MRPS7: variants seen among roughly 807,000 people sequenced by gnomAD.
MRPS7 encodes the protein small ribosomal subunit protein uS7m.
A neutral mutation model predicts 26.2 loss-of-function variants in MRPS7; 13 were observed. The ratio of observed to expected loss-of-function variants is 0.50; its 90% CI spans 0.32 to 0.79. The LOEUF (loss-of-function observed/expected upper bound fraction) is 0.79. Among genes scored for constraint, MRPS7 ranks in the 30% least tolerant of loss-of-function variants. The pLI, the probability that MRPS7 is intolerant of heterozygous loss-of-function variation, is 0.03. For synonymous variants in MRPS7, 129 were observed against 113.3 expected, an observed-to-expected ratio of 1.14 and a Z score of -0.88; for missense variants, 318 against 312.2, an observed-to-expected ratio of 1.02 and a Z score of -0.14.
intron 4 of MRPS7, among the ~76,000 whole-genome samples, chr17:75,265,227 G>A (rs542793891): frequency 2.6e-5 from 4 of 152,024 alleles, no homozygotes; most frequent in South Asian, 4.2e-4. Context: ...TAGTAGAGAC[G>A]AGGTTTCACC....
At chr17:75,265,350 T>TA (rs2077467742) in intron 4 of MRPS7, among the ~76,000 whole-genome samples, 1 of 151,950 alleles carries the variant, frequency 6.6e-6, no homozygotes, top group Non-Finnish European at 1.5e-5. Context: ...CTTTTTTTTT[T>TA]AATATATGGA....
chr17:75,266,324 T>C lies in MRPS7; in HGVS notation c.*401T>C. On this transcript the variant is annotated 3_prime_UTR_variant, in exon 5 of 5. Coordinates refer to ENST00000245539, the MANE Select transcript of MRPS7 (RefSeq NM_015971.4). ...TGAAACTGGCTGGAGGAAATAGGCT[T>C]GTTTCCAGAGTTGTCCTTATACAAA... 2.8e-6 allele frequency: 1 copy of C among 351,920 alleles called. No individual in the cohort carries two copies. Among genetic ancestry groups the C allele is most frequent in the Admixed American group, 4.4e-5 (1 of 22,898 alleles). The allele number at this position is 351,920 out of a possible 1,614,324, so 21.8% of individuals were successfully genotyped here.
rs2077480665 is a variant in MRPS7, at chr17:75,266,240, A to G, written c.*317A>G. ...ATAAAGGAAGCAGTTTTAGTATCAGAAAAGATTTATTAGAAAATTCTCACG... is the reference window on the plus strand; with the variant it reads ...ATAAAGGAAGCAGTTTTAGTATCAGGAAAGATTTATTAGAAAATTCTCACG... On this transcript the variant is annotated 3_prime_UTR_variant, in exon 5 of 5. Transcript: ENST00000245539. 1 of 414,072 alleles carries G rather than the reference A, an allele frequency of 2.4e-6. No individual in the cohort carries two copies. The highest frequency in any genetic ancestry group is 4.4e-6 in the Non-Finnish European group (1 of 226,086). 25.6% of individuals were successfully genotyped at this position (414,072 alleles called of 1,614,324 possible).
In MRPS7 at chr17:75,262,817, A is replaced by T. The variant is rs1409707999; in HGVS notation, c.289A>T (p.Met97Leu). The T allele has an allele frequency of 1.2e-6, 2 of 1,614,034 alleles. No homozygotes were observed. The highest frequency in any genetic ancestry group is 1.7e-5 in the Admixed American group (1 of 60,016). The change falls in exon 3 of 5, where the codon ATG becomes TTG. Residue 97 changes from methionine (M) to leucine (L), a missense_variant. Physicochemically the swap from Met to Leu is conservative, Grantham distance 15. Coordinates refer to ENST00000245539, the MANE Select transcript of MRPS7 (RefSeq NM_015971.4). ...TTCTCTTTGAAGTAAATTCACCAAC[A>T]TGATGATGATAGGAGGAAACAAAGT... ...EDPVISKFTN[M>L]MMIGGNKVLA... is the part of the protein sequence containing the mutation.
intron 3 of MRPS7, 146 bp from the exon 4 acceptor site, chr17:75,263,194 T>G: frequency 1.0e-6 from 1 of 998,108 alleles, no homozygotes; most frequent in Non-Finnish European, 1.5e-6. Flanking sequence ...GGGAGGCACT[T>G]AAAAACTTTG....
intron 4 of MRPS7, 130 bp from the exon 5 acceptor site, chr17:75,265,572 C>G: frequency 1.3e-6 from 1 of 745,102 alleles, no homozygotes. Flanking sequence ...AAAGACAGGC[C>G]CTTCTCCCCA....
At chr17:75,264,942 A>G (rs182545935) in intron 4 of MRPS7, among the ~76,000 whole-genome samples, 1 of 152,046 alleles carries the variant, frequency 6.6e-6, no homozygotes, top group African/African-American at 2.4e-5. Context: ...TCTGAGGTGG[A>G]TTAGTCACCC....
chr17:75,264,643 A>G (rs1313743918), intron 4 of MRPS7, among the ~76,000 whole-genome samples: 1 of 147,514 alleles, frequency 6.8e-6, no homozygotes, highest in Non-Finnish European at 1.5e-5. Context: ...GTTTTCTTTA[A>G]CTGTTTGTAT....
At chr17:75,262,007 G>A (rs777750975) in intron 1 of MRPS7, 24 bp downstream of exon 1, 3 of 1,452,138 alleles carry the variant, frequency 2.1e-6, no homozygotes, top group African/African-American at 5.8e-5. Context: ...GAGCAGCGGC[G>A]GGGGGGCGCT....
At chr17:75,262,448 C>T (rs1425173181) in intron 1 of MRPS7, 49 bp from the exon 2 acceptor site, 2 of 1,589,706 alleles carry the variant, frequency 1.3e-6, no homozygotes, top group South Asian at 1.1e-5. Context: ...CAAACCTACT[C>T]GCTTGTGGAG....
intron 1 of MRPS7, 183 bp from the exon 2 acceptor site, chr17:75,262,314 G>A (rs748036390): frequency 5.4e-6 from 4 of 735,962 alleles, no homozygotes; most frequent in African/African-American, 5.3e-5. Context: ...GACTTTACCC[G>A]CCTGCTTGGG....
chr17:75,262,490 C>A lies in MRPS7; in HGVS notation c.84-7C>A, dbSNP rs751560360. ...TTTGCCTGCCTCCTCCTTTCCCCCCCTCCCAGGCTAACTCAGGTGAGATGG... is the reference window on the plus strand; with the variant it reads ...TTTGCCTGCCTCCTCCTTTCCCCCCATCCCAGGCTAACTCAGGTGAGATGG... On this transcript the variant is annotated splice_region_variant and splice_polypyrimidine_tract_variant and intron_variant, in intron 1 of 4. Transcript: ENST00000245539. 2.4e-5 allele frequency: 39 copies of A among 1,612,818 alleles called. No homozygotes were observed. The highest frequency in any genetic ancestry group is 2.9e-5 in the Non-Finnish European group (34 of 1,178,980).
In MRPS7 at chr17:75,266,077, C is replaced by T. The variant is rs542299001; in HGVS notation, c.*154C>T. The stretch of plus-strand genomic sequence containing the variant: ...AGCAGCATATTCACTATCCGTTAAT[C>T]CTTCTTTCTTTGAGGCTGGAACTTG... On this transcript the variant is annotated 3_prime_UTR_variant, in exon 5 of 5. Coordinates refer to ENST00000245539, the MANE Select transcript of MRPS7 (RefSeq NM_015971.4). 21 of 670,784 alleles carry T rather than the reference C, an allele frequency of 3.1e-5. No homozygotes were observed. The highest frequency in any genetic ancestry group is 4.1e-4 in the Middle Eastern group (1 of 2,446). The allele number at this position is 670,784 out of a possible 1,614,324, so 41.6% of individuals were successfully genotyped here. A position where few individuals can be genotyped will look rare whatever the true frequency, so the allele number is the denominator to read the frequency against.
At chr17:75,263,003 G>A (rs933466367) in intron 3 of MRPS7, 136 bp downstream of exon 3, 9 of 811,482 alleles carry the variant, frequency 1.1e-5, no homozygotes, top group Non-Finnish European at 1.8e-5. Flanking sequence ...GCATGTGTAC[G>A]GGCTTTAATG....
intron 1 of MRPS7, 29 bp from the exon 2 acceptor site, chr17:75,262,467 TG>T: frequency 1.2e-6 from 2 of 1,607,916 alleles, no homozygotes; most frequent in Non-Finnish European, 1.7e-6. Context: ...AGTCAGCTTT[TG>T]CCTGCCTCCT....
At chr17:75,263,529 G>A in intron 4 of MRPS7, 22 bp downstream of exon 4, 1 of 1,613,656 alleles carries the variant, frequency 6.2e-7, no homozygotes, top group South Asian at 1.1e-5. Context: ...GCCAGGGCAA[G>A]AAAGCAGGGC....
Position 75,262,049 on chromosome 17 carries a change from C to T in MRPS7, c.83+66C>T. The T allele has an allele frequency of 1.9e-6, 3 of 1,565,426 alleles. No individual in the cohort carries two copies. The East Asian group carries it at 6.7e-5, about 35-fold the overall frequency. On this transcript the variant is annotated intron_variant, in intron 1 of 4. Coordinates refer to ENST00000245539, the MANE Select transcript of MRPS7 (RefSeq NM_015971.4). ...AAGGAAGGGGGCCACAGGCAGGCCGCGTGGGCCCCTAGAGAGAGCATTGCC... is the reference window on the plus strand; with the variant it reads ...AAGGAAGGGGGCCACAGGCAGGCCGTGTGGGCCCCTAGAGAGAGCATTGCC...
intron 3 of MRPS7, chr17:75,263,131 C>T: frequency 1.6e-6 from 1 of 642,154 alleles, no homozygotes; most frequent in Non-Finnish European, 2.6e-6. Context: ...CACCCCCCAC[C>T]CCCTCCATGC....
chr17:75,262,627 C>T lies in MRPS7; in HGVS notation c.214C>T (p.Gln72Ter). 1 of 1,614,136 alleles carries T rather than the reference C, an allele frequency of 6.2e-7. No individual in the cohort carries two copies. The highest frequency in any genetic ancestry group is 8.5e-7 in the Non-Finnish European group (1 of 1,180,034). The change falls in exon 2 of 5, where the codon CAG becomes TAG. Residue 72 changes from glutamine to a stop codon, truncating the protein, a stop_gained. Coordinates refer to ENST00000245539, the MANE Select transcript of MRPS7 (RefSeq NM_015971.4). LOFTEE classifies it high-confidence loss of function. ...EKYVRELKKT[Q>*]LIKAAPAGKT... Reference sequence around the variant, plus strand: ...ATATGTTCGGGAGCTCAAGAAGACTCAGCTCATCAAAGCTGCTCCAGCAGG... The same window carrying T: ...ATATGTTCGGGAGCTCAAGAAGACTTAGCTCATCAAAGCTGCTCCAGCAGG...
Sources: gnomAD v4.1 joint callset for allele counts (sites outside exome capture counted in the v4.1 genomes callset) on GRCh38, gnomAD v4.1.1 for gene constraint, MANE v1.5 for transcripts, NCBI Gene and HGNC (gene_info 2026-07-23, HGNC 2026-07-21) for gene names.